FXR2: variants seen among roughly 807,000 people sequenced by gnomAD.
FXR2 encodes FMR1 autosomal homolog 2.
FXR2 carries 9 observed loss-of-function variants against 87.3 expected under a neutral mutation model. That is an observed-to-expected ratio of 0.10 (90% confidence interval 0.06 to 0.18). The LOEUF is 0.18. Among genes scored for constraint, FXR2 ranks in the 10% least tolerant of loss-of-function variants. FXR2 has a pLI of 1.00. For synonymous variants in FXR2, 331 were observed against 328.3 expected (o/e 1.01, Z -0.09); for missense variants, 661 against 893.6 (o/e 0.74, Z 3.32).
Position 7,592,649 on chromosome 17 carries a change from A to G in FXR2, c.1729+45T>C, listed in dbSNP as rs2071673590. ...TCACACATCCAACCTCCCACCCTCG[A>G]TTCCTACCCATCTCTAACTTTCCAG... On this transcript the variant is annotated intron_variant, in intron 14 of 16. Transcript: ENST00000250113. This position sits in a 1 kb window ranked among gnomAD's most constrained non-coding sequence, Gnocchi z 4.8. 1.1e-5 allele frequency: 17 copies of G among 1,612,436 alleles called. No individual in the cohort carries two copies. Among genetic ancestry groups the G allele is most frequent in the Non-Finnish European group, 1.4e-5 (17 of 1,178,794 alleles).
chr17:7,610,944 G>A (rs968304735), intron 1 of FXR2, among the ~76,000 whole-genome samples: 1 of 152,140 alleles, frequency 6.6e-6, no homozygotes, highest in East Asian at 1.9e-4. Flanking sequence ...CACCTTCACC[G>A]TCTTCTAGTT....
chr17:7,606,357 G>A (rs1273398306), intron 1 of FXR2, among the ~76,000 whole-genome samples: 1 of 152,106 alleles, frequency 6.6e-6, no homozygotes, highest in Admixed American at 6.6e-5. Flanking sequence ...ATGGAGAGGT[G>A]TATGTACCAC....
rs753084224 is a variant in FXR2 at position 7,595,695 on chromosome 17, A to C, written c.831+129T>G. The C allele has an allele frequency of 3.0e-6, 2 of 670,786 alleles. No homozygotes were observed. The highest frequency in any genetic ancestry group is 5.1e-6 in the Non-Finnish European group (2 of 388,846). The allele number at this position is 670,786 out of a possible 1,614,324, so 41.6% of individuals were successfully genotyped here. On this transcript the variant is annotated intron_variant, in intron 8 of 16. Transcript: ENST00000250113. The surrounding 1 kb of genome is among the most constrained non-coding windows in gnomAD (Gnocchi z 4.7). ...ACTCCTAGGCTCAAGTGATCCTCTCACTTTGACCTCCGAAGGTGCTGGGAT... is the reference window on the plus strand; with the variant it reads ...ACTCCTAGGCTCAAGTGATCCTCTCCCTTTGACCTCCGAAGGTGCTGGGAT...
intron 7 of FXR2, among the ~76,000 whole-genome samples, chr17:7,597,296 A>G (rs1206245580): frequency 1.3e-5 from 2 of 152,184 alleles, no homozygotes. Flanking sequence ...AGATTGAAAT[A>G]CACTACTTCC....
At position 7,614,776 on chromosome 17, in the gene FXR2, C is replaced by T; in HGVS notation, c.-244G>A. 2 of 218,942 alleles carry T rather than the reference C, an allele frequency of 9.1e-6. No individual in the cohort carries two copies. The highest frequency in any genetic ancestry group is 1.8e-5 in the Non-Finnish European group (2 of 113,612). The allele number at this position is 218,942 out of a possible 1,614,324, so 13.6% of individuals were successfully genotyped here. A position where few individuals can be genotyped will look rare whatever the true frequency, so the allele number is the denominator to read the frequency against. On this transcript the variant is annotated 5_prime_UTR_variant, in exon 1 of 17. Coordinates refer to ENST00000250113, the MANE Select transcript of FXR2 (RefSeq NM_004860.4). ...CCGTGAGGGAAACGGCCGCCGCCGC[C>T]GCTGCCTTCGTCACCTCAGCTTCCG... is the stretch of plus-strand genomic sequence containing the variant.
intron 1 of FXR2, among the ~76,000 whole-genome samples, chr17:7,610,396 T>C (rs2071853923): frequency 6.6e-6 from 1 of 152,118 alleles, no homozygotes; most frequent in East Asian, 1.9e-4. Context: ...TATGGTGTAA[T>C]CCAATTCTCC....
chr17:7,599,550 T>C (rs764702578), intron 7 of FXR2, among the ~76,000 whole-genome samples: 9 of 152,104 alleles, frequency 5.9e-5, no homozygotes, highest in Non-Finnish European at 1.3e-4. Context: ...CTGACAATTA[T>C]ACGATGTCAG....
At position 7,601,401 on chromosome 17, in the gene FXR2, A is replaced by T. The variant is rs1251007148; in HGVS notation, c.660+8T>A. ...CCTTCAGCAGAAGGAAAAGGAGCTA[A>T]AAGTTACCTCTAGGTGCTTGGTAGC... On this transcript the variant is annotated splice_region_variant and intron_variant, in intron 7 of 16. Transcript: ENST00000250113. 6.5e-7 allele frequency: 1 copy of T among 1,533,220 alleles called. No homozygotes were observed. 95.0% of individuals were successfully genotyped at this position (1,533,220 alleles called of 1,614,324 possible).
Position 7,595,948 on chromosome 17 carries a change from C to G in FXR2, c.707G>C (p.Arg236Pro). 6.2e-7 allele frequency: 1 copy of G among 1,613,648 alleles called. No individual in the cohort carries two copies. The highest frequency in any genetic ancestry group is 1.1e-5 in the South Asian group (1 of 91,080). ...AAAFQEEFTV[R>P]EDLMGLAIGT... ...AATTGCCAGTCCCATCAGGTCCTCT[C>G]GCACTGTGAACTCCTCTTGGAAGGC... Residue 236 changes from arginine (R) to proline (P), a missense_variant, in exon 8 of 17, where the codon CGA (arginine) becomes CCA (proline). Around this residue, in one of 3 missense-constraint regions of FXR2, gnomAD observed 82 missense variants for 214.4 expected, o/e 0.38. Transcript: ENST00000250113. This position sits in a 1 kb window ranked among gnomAD's most constrained non-coding sequence, Gnocchi z 4.7.
Position 7,602,925 on chromosome 17 carries a change from C to T in FXR2, c.527G>A (p.Ser176Asn). The T allele has an allele frequency of 6.6e-7, 1 of 1,525,198 alleles. No individual in the cohort carries two copies. The highest frequency in any genetic ancestry group is 9.1e-7 in the Non-Finnish European group (1 of 1,100,260). 94.5% of individuals were successfully genotyped at this position (1,525,198 alleles called of 1,614,324 possible). A position where few individuals can be genotyped will look rare whatever the true frequency, so the allele number is the denominator to read the frequency against. ...TAAACTCACCAGAATGAAGAGCTCA[C>T]TGTTTGTGATGTTGAGAAAGATGCA... ...ANCIFLNITNSELFILSTTEA... is the reference protein window; with the variant it reads ...ANCIFLNITNNELFILSTTEA... The change falls in exon 6 of 17, where the codon AGT becomes AAT. Residue 176 changes from serine to asparagine, a missense_variant. This residue lies in a region of FXR2 where 170 missense variants were observed against 247.2 expected (regional missense o/e 0.69). Transcript: ENST00000250113.
At position 7,592,229 on chromosome 17, in the gene FXR2, G is replaced by A. The variant is rs1234931571; in HGVS notation, c.1926+25C>T. On this transcript the variant is annotated intron_variant, in intron 16 of 16. Transcript: ENST00000250113. This position sits in a 1 kb window ranked among gnomAD's most constrained non-coding sequence, Gnocchi z 4.8. The stretch of plus-strand genomic sequence containing the variant: ...CAGAGTAACAACAAAAAAGGGATGG[G>A]GTAAAGCACATCTTGCCTGCCTACC... 4 of 1,572,618 alleles carry A rather than the reference G, an allele frequency of 2.5e-6. No homozygotes were observed. In the South Asian group the frequency reaches 3.3e-5, roughly 13 times the overall value.
At chr17:7,606,051 C>A in intron 2 of FXR2, 46 bp downstream of exon 2, 1 of 1,264,500 alleles carries the variant, frequency 7.9e-7, no homozygotes, top group Non-Finnish European at 1.1e-6. Flanking sequence ...TCTCCACTCT[C>A]CTTCTAGGAC....
intron 1 of FXR2, among the ~76,000 whole-genome samples, chr17:7,610,156 G>A (rs1166357799): frequency 6.6e-6 from 1 of 151,828 alleles, no homozygotes. Context: ...GAAGCCAGGA[G>A]GCAGAGGCTG....
chr17:7,593,163 G>C lies in FXR2; in HGVS notation c.1349C>G (p.Ser450Cys). The C allele has an allele frequency of 6.5e-7, 1 of 1,531,876 alleles. No homozygotes were observed. The highest frequency in any genetic ancestry group is 8.8e-7 in the Non-Finnish European group (1 of 1,141,714). 94.9% of individuals were successfully genotyped at this position (1,531,876 alleles called of 1,614,324 possible). ...CTCTGACTCAGTCTCTGAAGCTGTA[G>C]ACACATCTGAGCTGGGGCCTGAAGA... ...GPAYGPSSDV[S>C]TASETESEKR... is the part of the protein sequence containing the mutation. Residue 450 changes from serine (S) to cysteine (C), a missense_variant, in exon 13 of 17, where the codon TCT becomes TGT. Ser to Cys is a moderately radical substitution (Grantham distance 112). This residue lies in a region of FXR2 where 409 missense variants were observed against 432.0 expected (regional missense o/e 0.95). Coordinates refer to ENST00000250113, the MANE Select transcript of FXR2 (RefSeq NM_004860.4). The surrounding 1 kb of genome is among the most constrained non-coding windows in gnomAD (Gnocchi z 6.1).
chr17:7,611,184 AT>A (rs2071861141), intron 1 of FXR2, among the ~76,000 whole-genome samples: 2 of 152,096 alleles, frequency 1.3e-5, no homozygotes, highest in South Asian at 4.1e-4. Context: ...GTCTTAAGCC[AT>A]TTTGTACGTC....
At chr17:7,612,596 T>C (rs1244064764) in intron 1 of FXR2, among the ~76,000 whole-genome samples, 2 of 151,862 alleles carry the variant, frequency 1.3e-5, no homozygotes, top group East Asian at 3.9e-4. Flanking sequence ...AGCTAAAAAC[T>C]TGAATTGAGA....
At chr17:7,605,613 A>C (rs1021409789) in intron 3 of FXR2, 32 bp downstream of exon 3, 10 of 1,085,304 alleles carry the variant, frequency 9.2e-6, no homozygotes, top group Non-Finnish European at 1.3e-5. Context: ...GGGAAAAGTG[A>C]CATTTAGAAA....
intron 1 of FXR2, among the ~76,000 whole-genome samples, chr17:7,607,746 A>G (rs2071815005): frequency 6.6e-6 from 1 of 151,454 alleles, no homozygotes; most frequent in African/African-American, 2.4e-5. Context: ...TTTTGAATTA[A>G]ATTTTATATA....
chr17:7,598,578 T>C (rs919417164), intron 7 of FXR2, among the ~76,000 whole-genome samples: 1 of 152,148 alleles, frequency 6.6e-6, no homozygotes. Flanking sequence ...CATGATCTAC[T>C]CTCTGACCGA....
Sources: allele counts gnomAD v4.1 joint callset (sites outside exome capture counted in the v4.1 genomes callset), GRCh38; gene constraint gnomAD v4.1.1; regional missense constraint gnomAD v4.1.1; non-coding constraint Gnocchi (gnomAD v3.1); transcripts MANE v1.5; gene names NCBI Gene and HGNC (gene_info 2026-07-23, HGNC 2026-07-21).